The following SUPT3H variants were observed in gnomAD, a reference collection of about 807,000 sequenced individuals.
SUPT3H encodes transcription initiation protein SPT3 homolog.
In SUPT3H, 44 loss-of-function variants were observed where a neutral mutation model predicts 44.3. That is an observed-to-expected ratio of 0.99 (90% CI 0.78 to 1.28). The LOEUF (loss-of-function observed/expected upper bound fraction) is 1.28, where lower values mean the gene tolerates loss of function less well. Among genes scored for constraint, SUPT3H ranks in the 50% most tolerant of loss-of-function variants. SUPT3H has a pLI of 0.00. For synonymous variants in SUPT3H, 124 were observed against 125.6 expected, an observed-to-expected ratio of 0.99 and a Z score of 0.09; for missense variants, 380 against 387.1, an observed-to-expected ratio of 0.98 and a Z score of 0.15.
intron 3 of SUPT3H, among the ~76,000 whole-genome samples, chr6:45,103,012 A>G (rs1798804890): frequency 6.6e-6 from 1 of 152,188 alleles, no homozygotes; most frequent in African/African-American, 2.4e-5. Context: ...AAATGGATAA[A>G]GAACTACAAA....
chr6:44,881,039 A>C (rs749076931), intron 10 of SUPT3H, among the ~76,000 whole-genome samples: 6 of 152,176 alleles, frequency 3.9e-5, no homozygotes, highest in Non-Finnish European at 7.4e-5. Flanking sequence ...TGACCAGATC[A>C]AATTCACACA....
chr6:45,067,905 C>G (rs1452149940), intron 3 of SUPT3H, among the ~76,000 whole-genome samples: 4 of 145,464 alleles, frequency 2.7e-5, no homozygotes, highest in African/African-American at 2.6e-5. Flanking sequence ...GTCAGTGTGG[C>G]GATTCCTCAG....
intron 2 of SUPT3H, among the ~76,000 whole-genome samples, chr6:45,326,648 C>T (rs1160155189): frequency 6.6e-6 from 1 of 151,890 alleles, no homozygotes; most frequent in Non-Finnish European, 1.5e-5. Flanking sequence ...TAGAATCATT[C>T]CCATACCCTA....
Position 45,018,918 on chromosome 6 carries a change from A to C in SUPT3H, c.273+1628T>G, listed in dbSNP as rs560873819. ...TATTGATTGGAATAGTTTCAGAAGGAATCGTACCAGTTCCTCCTTGTACCT... is the reference window on the plus strand; with the variant it reads ...TATTGATTGGAATAGTTTCAGAAGGCATCGTACCAGTTCCTCCTTGTACCT... On this transcript the variant is annotated intron_variant, in intron 4 of 10. Coordinates refer to ENST00000371459, the MANE Select transcript of SUPT3H (RefSeq NM_003599.4). Among the ~76,000 whole-genome samples, 1,110 of 152,172 alleles carry C rather than the reference A, an allele frequency of 7.3e-3. 17 individuals are homozygous for C. The highest frequency in any genetic ancestry group is 0.026 in the African/African-American group (1,063 of 41,498).
chr6:45,123,381 T>C (rs1263250690), intron 2 of SUPT3H, among the ~76,000 whole-genome samples: 1 of 151,438 alleles, frequency 6.6e-6, no homozygotes, highest in Non-Finnish European at 1.5e-5. Flanking sequence ...TTTCTTTTTT[T>C]TTTTTTTCCC....
intron 7 of SUPT3H, among the ~76,000 whole-genome samples, chr6:44,960,249 A>G (rs1176614765): frequency 6.6e-6 from 1 of 151,996 alleles, no homozygotes; most frequent in African/African-American, 2.4e-5. Context: ...TCTATTAAAA[A>G]TACAAAAATT....
intron 2 of SUPT3H, among the ~76,000 whole-genome samples, chr6:45,160,461 T>C (rs1481003106): frequency 6.6e-6 from 1 of 152,096 alleles, no homozygotes; most frequent in Non-Finnish European, 1.5e-5. Context: ...AAAGAGATTT[T>C]CCATAGAAAT....
rs1014099600 is a variant in SUPT3H, at chr6:44,811,720, T to C, written c.*53-2219A>G. ...TTGACCAACAGTGGCTCCCAGCTTA[T>C]GCCAGACACTCAGTGGTGGGCCTGC... On this transcript the variant is annotated intron_variant and NMD_transcript_variant, in intron 11 of 11. Transcript: ENST00000475057. Among the ~76,000 whole-genome samples, 19 of 152,242 alleles carry C rather than the reference T, an allele frequency of 1.2e-4. 1 individual carries two copies. The highest frequency in any genetic ancestry group is 1.3e-4 in the Admixed American group (2 of 15,286).
intron 2 of SUPT3H, among the ~76,000 whole-genome samples, chr6:45,224,345 T>C (rs1766549700): frequency 6.6e-6 from 1 of 152,150 alleles, no homozygotes; most frequent in Non-Finnish European, 1.5e-5. Flanking sequence ...GAACAAACTA[T>C]GACATGCTGA....
At chr6:45,115,206 A>G (rs1800662333) in intron 2 of SUPT3H, among the ~76,000 whole-genome samples, 1 of 152,158 alleles carries the variant, frequency 6.6e-6, no homozygotes, top group African/African-American at 2.4e-5. Context: ...GAGAGTCAAG[A>G]AAGTTAAGAC....
At chr6:45,232,999 G>C (rs1039002220) in intron 2 of SUPT3H, among the ~76,000 whole-genome samples, 11 of 152,144 alleles carry the variant, frequency 7.2e-5, no homozygotes, top group African/African-American at 2.7e-4. Flanking sequence ...TCTTACGGGG[G>C]GAAGAGATCA....
intron 2 of SUPT3H, among the ~76,000 whole-genome samples, chr6:45,333,781 T>C (rs1429242744): frequency 6.6e-6 from 1 of 151,340 alleles, no homozygotes; most frequent in Non-Finnish European, 1.5e-5. Context: ...TTGTTATTCA[T>C]GCACTTCCTC....
intron 10 of SUPT3H, among the ~76,000 whole-genome samples, chr6:44,859,218 G>A (rs1256725176): frequency 6.6e-6 from 1 of 152,182 alleles, no homozygotes; most frequent in Admixed American, 6.5e-5. Context: ...GTCTCTTAGT[G>A]AAAGGTATTT....
At chr6:45,247,744 G>A (rs1771630790) in intron 2 of SUPT3H, among the ~76,000 whole-genome samples, 1 of 148,484 alleles carries the variant, frequency 6.7e-6, no homozygotes. Flanking sequence ...ATACAAAAAA[G>A]GTAAGAAAAC....
At chr6:45,178,432 A>G (rs1048046146) in intron 2 of SUPT3H, among the ~76,000 whole-genome samples, 7 of 152,190 alleles carry the variant, frequency 4.6e-5, no homozygotes, top group Middle Eastern at 3.4e-3. Context: ...TGAGTGACCT[A>G]CAAAGAGACT....
chr6:45,250,267 T>C (rs1772121182), intron 2 of SUPT3H, among the ~76,000 whole-genome samples: 1 of 151,496 alleles, frequency 6.6e-6, no homozygotes, highest in Non-Finnish European at 1.5e-5. Context: ...CATGCAATCA[T>C]GACAAATATC....
intron 6 of SUPT3H, 125 bp from the exon 7 acceptor site, chr6:44,961,953 CCA>C: frequency 1.7e-6 from 1 of 599,718 alleles, no homozygotes; most frequent in Non-Finnish European, 2.9e-6. Context: ...GGTAGTACTA[CCA>C]CATAGATCAC....
intron 10 of SUPT3H, among the ~76,000 whole-genome samples, chr6:44,832,879 T>G (rs1769109351): frequency 6.6e-6 from 1 of 152,144 alleles, no homozygotes; most frequent in Non-Finnish European, 1.5e-5. Context: ...TTACTTCATA[T>G]GGACAAGGTA....
intron 3 of SUPT3H, among the ~76,000 whole-genome samples, chr6:45,071,182 G>A (rs1347917808): frequency 6.6e-6 from 1 of 151,992 alleles, no homozygotes; most frequent in African/African-American, 2.4e-5. Flanking sequence ...AGTTAATTGG[G>A]ATATATGAAC....
Sources: allele counts gnomAD v4.1 joint callset (sites outside exome capture counted in the v4.1 genomes callset), GRCh38; gene constraint gnomAD v4.1.1; transcripts MANE v1.5; gene names NCBI Gene and HGNC (gene_info 2026-07-23, HGNC 2026-07-21).